Variants in CABLES1 observed in about 807,000 individuals in gnomAD.
CABLES1 encodes Cdk5 and Abl enzyme substrate 1.
A neutral mutation model predicts 57.8 loss-of-function variants in CABLES1; 36 were observed. That is an observed-to-expected ratio of 0.62 (90% confidence interval 0.48 to 0.82). The LOEUF (loss-of-function observed/expected upper bound fraction) is 0.82. Among genes scored for constraint, CABLES1 ranks in the 40% least tolerant of loss-of-function variants. The pLI, the probability that CABLES1 is intolerant of heterozygous loss-of-function variation, is 0.00. For synonymous variants in CABLES1, 374 were observed against 363.0 expected, an observed-to-expected ratio of 1.03 and a Z score of -0.35; for missense variants, 767 against 836.6, an observed-to-expected ratio of 0.92 and a Z score of 1.03.
intron 7 of CABLES1, among the ~76,000 whole-genome samples, chr18:23,245,354 C>CA (rs995616750): frequency 5.3e-5 from 8 of 151,522 alleles, no homozygotes; most frequent in South Asian, 2.1e-4. Context: ...CCAAAAAATA[C>CA]AAAAAAAATA....
chr18:23,135,910 GA>G lies in CABLES1; in HGVS notation c.150del (p.Glu50AspfsTer83), dbSNP rs1367765957. The G allele has an allele frequency of 1.8e-6, 2 of 1,084,588 alleles. No individual in the cohort carries two copies. Among genetic ancestry groups the G allele is most frequent in the Non-Finnish European group, 2.2e-6 (2 of 898,018 alleles). 67.2% of individuals were successfully genotyped at this position (1,084,588 alleles called of 1,614,324 possible). ...AAAAPAQPPP[E>X]PPRKPRMDPR... ...CGCCGCGCCGGCCCAGCCGCCGCCCGAACCCCCCCGGAAGCCGCGCATGGAC... is the reference window on the plus strand; with the variant it reads ...CGCCGCGCCGGCCCAGCCGCCGCCCGACCCCCCCGGAAGCCGCGCATGGAC... On this transcript the variant is annotated frameshift_variant, in exon 1 of 10. Transcript: ENST00000256925. LOFTEE classifies it high-confidence loss of function.
At chr18:23,210,576 A>T (rs1291035284) in intron 3 of CABLES1, among the ~76,000 whole-genome samples, 1 of 152,224 alleles carries the variant, frequency 6.6e-6, no homozygotes, top group African/African-American at 2.4e-5. Context: ...AATTCACATG[A>T]ACCCCACAGG....
intron 3 of CABLES1, among the ~76,000 whole-genome samples, chr18:23,212,976 C>G (rs1050674992): frequency 6.6e-6 from 1 of 152,002 alleles, no homozygotes; most frequent in Non-Finnish European, 1.5e-5. Flanking sequence ...TACTTCAGCA[C>G]GGGTAGAACG....
intron 4 of CABLES1, among the ~76,000 whole-genome samples, chr18:23,220,278 G>A (rs1336646468): frequency 6.6e-6 from 1 of 152,168 alleles, no homozygotes; most frequent in African/African-American, 2.4e-5. Flanking sequence ...GGTAATAATA[G>A]AAACATCCTG....
chr18:23,225,903 T>G (rs925483071), intron 4 of CABLES1, among the ~76,000 whole-genome samples: 10 of 152,230 alleles, frequency 6.6e-5, no homozygotes, highest in African/African-American at 2.4e-4. Context: ...TTCCCCTCGC[T>G]TTCCAGCCCC....
At chr18:23,205,680 G>A (rs772272967) in intron 3 of CABLES1, among the ~76,000 whole-genome samples, 14 of 152,108 alleles carry the variant, frequency 9.2e-5, no homozygotes, top group Admixed American at 7.9e-4. Flanking sequence ...AATCCAATAC[G>A]ACCGATATCC....
chr18:23,163,633 CAG>C (rs1311605994), intron 1 of CABLES1, among the ~76,000 whole-genome samples: 2 of 152,152 alleles, frequency 1.3e-5, no homozygotes, highest in South Asian at 2.1e-4. Flanking sequence ...GGAGCATGGA[CAG>C]AGAGTGGATA....
intron 4 of CABLES1, among the ~76,000 whole-genome samples, chr18:23,232,623 G>C (rs1211226399): frequency 6.6e-6 from 1 of 152,208 alleles, no homozygotes; most frequent in Admixed American, 6.5e-5. Context: ...GGTGTGAACA[G>C]AGTTGGTTGT....
Position 23,217,180 on chromosome 18 carries a change from C to T in CABLES1, c.1088+3126C>T, listed in dbSNP as rs570505238. Among the ~76,000 whole-genome samples the T allele has an allele frequency of 1.7e-4, 26 of 152,204 alleles. 1 individual carries two copies. The South Asian group carries it at 3.9e-3, about 23-fold the overall frequency. Reference sequence around the variant, plus strand: ...CGCTGCAGTCTCGAACTCCTACGCTCGAGCCATCCACCTGCCTCAGTCTCC... The same window carrying T: ...CGCTGCAGTCTCGAACTCCTACGCTTGAGCCATCCACCTGCCTCAGTCTCC... On this transcript the variant is annotated intron_variant, in intron 4 of 9. Transcript: ENST00000256925.
At chr18:23,219,423 G>A (rs2047469888) in intron 4 of CABLES1, among the ~76,000 whole-genome samples, 1 of 152,282 alleles carries the variant, frequency 6.6e-6, no homozygotes. Flanking sequence ...AGACTTGGAA[G>A]TGTGAGACCT....
intron 3 of CABLES1, among the ~76,000 whole-genome samples, chr18:23,206,585 A>G (rs934337699): frequency 6.6e-6 from 1 of 152,208 alleles, no homozygotes; most frequent in Non-Finnish European, 1.5e-5. Context: ...GTTCCCACCC[A>G]TTGCTGGGAT....
At position 23,260,367 on chromosome 18, in the gene CABLES1, G is replaced by C. The variant is rs1024463280; in HGVS notation, c.*3000G>C. On this transcript the variant is annotated 3_prime_UTR_variant, in exon 10 of 10. Transcript: ENST00000256925. The stretch of plus-strand genomic sequence containing the variant: ...CTTCACACAAGCCACTCTGTACCAC[G>C]TGCCCTACCTTAGTGACGGGAGTAA... 3.9e-5 allele frequency: 6 copies of C among 152,204 alleles called. No homozygotes were observed. Among genetic ancestry groups the C allele is most frequent in the Non-Finnish European group, 7.3e-5 (5 of 68,082 alleles). The allele number at this position is 152,204 out of a possible 1,614,324, so 9.4% of individuals were successfully genotyped here.
intron 4 of CABLES1, among the ~76,000 whole-genome samples, chr18:23,221,061 C>T (rs1363058276): frequency 1.3e-5 from 2 of 152,166 alleles, no homozygotes; most frequent in Non-Finnish European, 2.9e-5. Flanking sequence ...CCCCTGAGCA[C>T]CTTCAGGAAG....
intron 4 of CABLES1, among the ~76,000 whole-genome samples, chr18:23,223,986 A>G (rs2047509021): frequency 6.6e-6 from 1 of 151,876 alleles, no homozygotes; most frequent in Non-Finnish European, 1.5e-5. Flanking sequence ...ATTAAAGGGT[A>G]TGTGAAGTGG....
chr18:23,223,401 A>C (rs145026917), intron 4 of CABLES1, among the ~76,000 whole-genome samples: 2,288 of 151,998 alleles, frequency 0.015, 69 homozygotes, highest in African/African-American at 0.052. Context: ...GACATGATGA[A>C]ACCCCGTCTC....
intron 4 of CABLES1, among the ~76,000 whole-genome samples, chr18:23,217,167 G>A (rs1164403964): frequency 6.6e-6 from 1 of 151,904 alleles, no homozygotes; most frequent in Admixed American, 6.6e-5. Flanking sequence ...CTGCAGTCTC[G>A]AACTCCTACG....
chr18:23,139,603 T>C (rs1033744709), intron 1 of CABLES1, among the ~76,000 whole-genome samples: 5 of 152,160 alleles, frequency 3.3e-5, no homozygotes, highest in Non-Finnish European at 7.4e-5. Context: ...GTGGAGGCAA[T>C]GATTACACCA....
At chr18:23,167,462 G>T (rs2047050819) in intron 1 of CABLES1, among the ~76,000 whole-genome samples, 2 of 152,190 alleles carry the variant, frequency 1.3e-5, no homozygotes, top group South Asian at 4.1e-4. Context: ...AGGCTAACAA[G>T]ATGTCATCCA....
intron 5 of CABLES1, 136 bp from the exon 6 acceptor site, chr18:23,235,759 A>C (rs2047602676): frequency 1.9e-5 from 17 of 909,678 alleles, no homozygotes; most frequent in Non-Finnish European, 2.8e-5. Context: ...TTCATTTTTC[A>C]GATCTCATTG....
Sources: allele counts gnomAD v4.1 joint callset (sites outside exome capture counted in the v4.1 genomes callset), GRCh38; gene constraint gnomAD v4.1.1; transcripts MANE v1.5; gene names NCBI Gene and HGNC (gene_info 2026-07-23, HGNC 2026-07-21).